Variants in PID1 observed in about 807,000 individuals in gnomAD.
PID1 encodes PTB-containing, cubilin and LRP1-interacting protein.
Under a neutral mutation model 19.1 loss-of-function variants are expected in PID1, and 10 were observed. The observed-to-expected ratio is 0.52, with a 90% CI of 0.32 to 0.89. PID1 has a LOEUF of 0.89. PID1 is among the 40% of genes least tolerant of loss of function. PID1 has a pLI of 0.03. For missense variants in PID1, 248 were observed against 285.3 expected, an observed-to-expected ratio of 0.87 and a Z score of 0.94; for synonymous variants, 130 against 116.0, an observed-to-expected ratio of 1.12 and a Z score of -0.78.
At chr2:229,268,655 T>G (rs1227011) in intron 1 of PID1, among the ~76,000 whole-genome samples, 28,367 of 152,152 alleles carry the variant, frequency 0.19, 3,761 homozygotes, top group East Asian at 0.69. Context: ...TATAAAGATT[T>G]GTGAAAGGCA....
chr2:229,060,770 G>A lies in PID1; in HGVS notation c.178-34662C>T, dbSNP rs553132090. 6.1e-4 allele frequency among the ~76,000 whole-genome samples: 92 copies of A among 151,794 alleles called. 1 individual carries two copies. The highest frequency in any genetic ancestry group is 2.0e-3 in the African/African-American group (84 of 41,428). On this transcript the variant is annotated intron_variant, in intron 2 of 2. Coordinates refer to ENST00000392055, the MANE Select transcript of PID1 (RefSeq NM_001100818.2). ...AGATTTCCCTTTTCTCCATACCCTCGCCAACACTTCTTACCATCTGTCTTT... is the reference window on the plus strand; with the variant it reads ...AGATTTCCCTTTTCTCCATACCCTCACCAACACTTCTTACCATCTGTCTTT...
chr2:229,063,525 C>T (rs1574597818), intron 2 of PID1, among the ~76,000 whole-genome samples: 2 of 152,140 alleles, frequency 1.3e-5, no homozygotes, highest in South Asian at 4.1e-4. Context: ...TTTATTGAAA[C>T]TTGTTTTGTG....
At chr2:229,248,322 A>G (rs746856541) in intron 1 of PID1, among the ~76,000 whole-genome samples, 1 of 152,146 alleles carries the variant, frequency 6.6e-6, no homozygotes, top group Non-Finnish European at 1.5e-5. Flanking sequence ...TAGAGAATAC[A>G]TGCTCCTGGA....
chr2:229,180,317 A>T lies in PID1; in HGVS notation c.31-24353T>A, dbSNP rs1690912584. 2.0e-5 allele frequency among the ~76,000 whole-genome samples: 3 copies of T among 152,194 alleles called. No individual in the cohort carries two copies. The South Asian group carries it at 6.2e-4, about 32-fold the overall frequency. ...TAGTTGGGAATTAGTAATCCATCTA[A>T]AGTGCATATCTGTATGCGCATAGAA... On this transcript the variant is annotated intron_variant, in intron 1 of 2. Coordinates refer to ENST00000392055, the MANE Select transcript of PID1 (RefSeq NM_001100818.2).
intron 1 of PID1, chr2:229,231,989 G>A (rs1203229764): frequency 2.6e-6 from 4 of 1,550,336 alleles, no homozygotes; most frequent in South Asian, 1.2e-5. Flanking sequence ...TGTGAGAGCT[G>A]CAGCACTTGG....
chr2:229,231,872 G>A (rs1265209307), intron 1 of PID1: 49 of 1,548,014 alleles, frequency 3.2e-5, no homozygotes, highest in Non-Finnish European at 3.8e-5. Flanking sequence ...CTGCTATAAC[G>A]AAATACCACA....
chr2:229,170,690 T>C (rs1427167211), intron 1 of PID1, among the ~76,000 whole-genome samples: 1 of 152,180 alleles, frequency 6.6e-6, no homozygotes, highest in Non-Finnish European at 1.5e-5. Context: ...AAGTGATTTG[T>C]AATTAGATGG....
At chr2:229,140,026 G>C (rs1471742770) in intron 2 of PID1, among the ~76,000 whole-genome samples, 2 of 152,082 alleles carry the variant, frequency 1.3e-5, no homozygotes, top group African/African-American at 4.8e-5. Context: ...AGCTTGGCAT[G>C]CTTTTCTGCA....
chr2:229,071,824 A>G (rs1270802572), intron 2 of PID1, among the ~76,000 whole-genome samples: 3 of 152,368 alleles, frequency 2.0e-5, no homozygotes, highest in African/African-American at 4.8e-5. Context: ...ATGGTGAAAA[A>G]GAAACAATGA....
intron 1 of PID1, chr2:229,231,863 T>G (rs1692215923): frequency 6.5e-7 from 1 of 1,547,370 alleles, no homozygotes; most frequent in Non-Finnish European, 8.7e-7. Flanking sequence ...CTGTTTGTGC[T>G]GCTATAACGA....
chr2:229,151,475 A>G (rs1388807949), intron 2 of PID1, among the ~76,000 whole-genome samples: 2 of 152,208 alleles, frequency 1.3e-5, no homozygotes, highest in East Asian at 1.9e-4. Context: ...ATGCCATGAA[A>G]AGTGCATAGA....
chr2:229,146,270 T>TA (rs1457926185), intron 2 of PID1, among the ~76,000 whole-genome samples: 3 of 152,126 alleles, frequency 2.0e-5, no homozygotes, highest in Admixed American at 6.6e-5. Flanking sequence ...AAGTGGGAGT[T>TA]AAACAGTGAG....
chr2:229,083,401 T>A (rs1033804321), intron 2 of PID1, among the ~76,000 whole-genome samples: 15 of 152,194 alleles, frequency 9.9e-5, no homozygotes, highest in African/African-American at 3.6e-4. Context: ...GAATTTTTTT[T>A]AAGATCTAAT....
chr2:229,079,668 C>T (rs1694632778), intron 2 of PID1, among the ~76,000 whole-genome samples: 1 of 152,174 alleles, frequency 6.6e-6, no homozygotes, highest in African/African-American at 2.4e-5. Flanking sequence ...TTAGCATCTC[C>T]AGTTGTTCCA....
intron 2 of PID1, among the ~76,000 whole-genome samples, chr2:229,115,688 T>C (rs916906554): frequency 1.3e-5 from 2 of 152,168 alleles, no homozygotes; most frequent in South Asian, 2.1e-4. Flanking sequence ...ACTGCATGAA[T>C]ATCAATTTAC....
At chr2:229,041,776 C>T (rs1191958097) in intron 2 of PID1, among the ~76,000 whole-genome samples, 2 of 151,942 alleles carry the variant, frequency 1.3e-5, no homozygotes, top group East Asian at 3.9e-4. Flanking sequence ...CCCTGCCAAC[C>T]CCCTGAACCC....
intron 2 of PID1, among the ~76,000 whole-genome samples, chr2:229,054,177 T>A (rs1025819693): frequency 6.6e-6 from 1 of 152,186 alleles, no homozygotes; most frequent in African/African-American, 2.4e-5. Context: ...GGTAATTAAG[T>A]GATGGTTTGC....
rs568606584 is a variant in PID1 at position 229,257,824 on chromosome 2, G to T, written c.30+13190C>A. On this transcript the variant is annotated intron_variant, in intron 1 of 2. Coordinates refer to ENST00000392055, the MANE Select transcript of PID1 (RefSeq NM_001100818.2). Reference sequence around the variant, plus strand: ...GCCACTAGTGAAGTTATTCCATCCTGTCTAGTTTTCAGTTGCCATATTCCT... The same window carrying T: ...GCCACTAGTGAAGTTATTCCATCCTTTCTAGTTTTCAGTTGCCATATTCCT... Among the ~76,000 whole-genome samples, 3 of 152,228 alleles carry T rather than the reference G, an allele frequency of 2.0e-5. No individual in the cohort carries two copies. In the South Asian group the frequency reaches 6.2e-4, roughly 32 times the overall value.
intron 2 of PID1, among the ~76,000 whole-genome samples, chr2:229,112,526 C>T (rs1223056709): frequency 2.0e-5 from 3 of 152,138 alleles, no homozygotes; most frequent in Non-Finnish European, 4.4e-5. Flanking sequence ...TGCTCTGTCG[C>T]CCAGGCTGGA....
Sources: allele counts gnomAD v4.1 joint callset (sites outside exome capture counted in the v4.1 genomes callset), GRCh38; gene constraint gnomAD v4.1.1; transcripts MANE v1.5; gene names NCBI Gene and HGNC (gene_info 2026-07-23, HGNC 2026-07-21).